ADAMTS2: variants seen among roughly 807,000 people sequenced by gnomAD.
ADAMTS2 encodes ADAM metallopeptidase with thrombospondin type 1 motif 2, also known as A disintegrin and metalloproteinase with thrombospondin motifs 2.
In ADAMTS2, 50 loss-of-function variants were observed where a neutral mutation model predicts 123.0. The ratio of observed to expected loss-of-function variants is 0.41; its 90% CI spans 0.32 to 0.51. The LOEUF is 0.51. Among genes scored for constraint, ADAMTS2 ranks in the 20% least tolerant of loss-of-function variants. ADAMTS2 has a pLI of 0.35. For synonymous variants in ADAMTS2, 678 were observed against 695.4 expected, an observed-to-expected ratio of 0.98 and a Z score of 0.39; for missense variants, 1,494 against 1,705.2, an observed-to-expected ratio of 0.88 and a Z score of 2.18.
At chr5:179,116,257 G>A (rs987381326) in intron 21 of ADAMTS2, among the ~76,000 whole-genome samples, 2 of 111,190 alleles carry the variant, frequency 1.8e-5, no homozygotes, top group Admixed American at 8.3e-5. Flanking sequence ...ATGTGACCAC[G>A]GCACCCCCCC....
intron 2 of ADAMTS2, among the ~76,000 whole-genome samples, chr5:179,320,075 C>G (rs547351275): frequency 7.2e-5 from 11 of 152,368 alleles, no homozygotes; most frequent in Non-Finnish European, 1.5e-4. Flanking sequence ...AGCCAGCCGA[C>G]TCCCAGGAGA....
intron 4 of ADAMTS2, among the ~76,000 whole-genome samples, chr5:179,205,268 G>T (rs1764653270): frequency 6.6e-6 from 1 of 152,188 alleles, no homozygotes; most frequent in Non-Finnish European, 1.5e-5. Flanking sequence ...AGCGCCCTTG[G>T]TGGGCTATCA....
intron 3 of ADAMTS2, among the ~76,000 whole-genome samples, chr5:179,268,837 C>T (rs777270312): frequency 7.2e-5 from 11 of 152,208 alleles, no homozygotes; most frequent in Non-Finnish European, 1.3e-4. Flanking sequence ...GGGCGCCTCC[C>T]GGGTGTGCTG....
chr5:179,254,297 C>G (rs1765994361), intron 3 of ADAMTS2, among the ~76,000 whole-genome samples: 1 of 152,174 alleles, frequency 6.6e-6, no homozygotes, highest in African/African-American at 2.4e-5. Context: ...CCAAAGGCCA[C>G]ATATTATCAA....
At chr5:179,318,305 G>A (rs1312564019) in intron 2 of ADAMTS2, among the ~76,000 whole-genome samples, 2 of 152,372 alleles carry the variant, frequency 1.3e-5, no homozygotes, top group South Asian at 2.1e-4. Context: ...ATGCGCTGCC[G>A]CTGAGCCTCA....
chr5:179,220,406 CCT>C (rs1439986336), intron 3 of ADAMTS2, among the ~76,000 whole-genome samples: 2 of 152,132 alleles, frequency 1.3e-5, no homozygotes, highest in African/African-American at 4.8e-5. Flanking sequence ...CTCCAGAGCC[CCT>C]GATTTGGACA....
At position 179,189,400 on chromosome 5, in the gene ADAMTS2, T is replaced by C. The variant is rs62396157; in HGVS notation, c.892-8245A>G. 5.6e-3 allele frequency among the ~76,000 whole-genome samples: 838 copies of C among 150,120 alleles called. 8 individuals are homozygous for C. The highest frequency in any genetic ancestry group is 8.9e-3 in the Non-Finnish European group (605 of 67,726). ...TCTCTCTCTGTTGCCCAGGTTGGAGTGCAGTGGCATGATCTCAGCTCACTG... is the reference window on the plus strand; with the variant it reads ...TCTCTCTCTGTTGCCCAGGTTGGAGCGCAGTGGCATGATCTCAGCTCACTG... On this transcript the variant is annotated intron_variant, in intron 4 of 21. Transcript: ENST00000251582. This position sits in a 1 kb window ranked among gnomAD's most constrained non-coding sequence, Gnocchi z 4.2.
chr5:179,304,949 G>A (rs2431422), intron 2 of ADAMTS2, among the ~76,000 whole-genome samples: 122,177 of 151,922 alleles, frequency 0.8, 49,306 homozygotes, highest in Middle Eastern at 0.85. Flanking sequence ...AAAGCAGTCA[G>A]AGAAAAACAG....
At chr5:179,184,966 C>T (rs1049518072) in intron 4 of ADAMTS2, among the ~76,000 whole-genome samples, 1 of 152,172 alleles carries the variant, frequency 6.6e-6, no homozygotes, top group Non-Finnish European at 1.5e-5. Context: ...CGTGGCATGT[C>T]ATGAGACCTG....
Position 179,260,029 on chromosome 5 carries a change from C to T in ADAMTS2, c.688+12882G>A, listed in dbSNP as rs944091638. Among the ~76,000 whole-genome samples the T allele has an allele frequency of 2.6e-5, 4 of 152,212 alleles. No individual in the cohort carries two copies. The highest frequency in any genetic ancestry group is 9.7e-5 in the African/African-American group (4 of 41,450). The stretch of plus-strand genomic sequence containing the variant: ...AGGAATGACAGAGTGTTAAAGTGGG[C>T]ATAGGGCCCTGCCGGATGGGTCACA... On this transcript the variant is annotated intron_variant, in intron 3 of 21. Coordinates refer to ENST00000251582, the MANE Select transcript of ADAMTS2 (RefSeq NM_014244.5). This position sits in a 1 kb window ranked among gnomAD's most constrained non-coding sequence, Gnocchi z 4.2.
intron 17 of ADAMTS2, among the ~76,000 whole-genome samples, chr5:179,126,571 C>T (rs570456242): frequency 3.0e-4 from 45 of 152,326 alleles, no homozygotes; most frequent in African/African-American, 5.8e-4. Flanking sequence ...CATTTGGCCA[C>T]GTCTGGGACA....
chr5:179,279,183 C>G (rs1766824640), intron 2 of ADAMTS2, among the ~76,000 whole-genome samples: 1 of 152,090 alleles, frequency 6.6e-6, no homozygotes, highest in Admixed American at 6.5e-5. Flanking sequence ...AGCATAAACA[C>G]TGTCAGGTGT....
chr5:179,196,252 C>CAA (rs112746849), intron 4 of ADAMTS2, among the ~76,000 whole-genome samples: 92 of 151,690 alleles, frequency 6.1e-4, no homozygotes, highest in African/African-American at 2.1e-3. Context: ...ATCATTCATT[C>CAA]AAAAAAAACG....
In ADAMTS2 at chr5:179,207,513, A is replaced by T; in HGVS notation, c.891T>A (p.Ile297=). 7.3e-7 allele frequency: 1 copy of T among 1,374,450 alleles called. No individual in the cohort carries two copies. Among genetic ancestry groups the T allele is most frequent in the South Asian group, 1.1e-5 (1 of 87,210 alleles). The allele number at this position is 1,374,450 out of a possible 1,614,324, so 85.1% of individuals were successfully genotyped here. The change falls in exon 4 of 22, where the codon ATT becomes ATA. Residue 297 remains isoleucine (I), a splice_region_variant and synonymous_variant. Coordinates refer to ENST00000251582, the MANE Select transcript of ADAMTS2 (RefSeq NM_014244.5). ...VQKYLLTLMN[I]VNEIYHDESL... ...CTGCCCCCTCAGCCACCCCACTCAC[A>T]ATGTTCATGAGTGTCAGCAGGTACT...
chr5:179,329,095 A>T (rs749284178), intron 2 of ADAMTS2, among the ~76,000 whole-genome samples: 281 of 152,308 alleles, frequency 1.8e-3, no homozygotes, highest in Middle Eastern at 3.4e-3. Flanking sequence ...TGGGAGGCCA[A>T]GGAGGGCGGA....
intron 3 of ADAMTS2, among the ~76,000 whole-genome samples, chr5:179,231,657 T>C (rs1031890199): frequency 4.6e-5 from 7 of 152,156 alleles, no homozygotes; most frequent in African/African-American, 1.7e-4. Flanking sequence ...AATTGGTGCA[T>C]ATAACAAGTC....
chr5:179,153,984 G>A (rs958386174), intron 8 of ADAMTS2, 65 bp downstream of exon 8: 2 of 1,550,278 alleles, frequency 1.3e-6, no homozygotes, highest in Non-Finnish European at 1.7e-6. Flanking sequence ...ATGGGGACTT[G>A]CACCCTCCCA....
intron 2 of ADAMTS2, among the ~76,000 whole-genome samples, chr5:179,341,787 C>T (rs1432065400): frequency 6.6e-6 from 1 of 152,102 alleles, no homozygotes; most frequent in Non-Finnish European, 1.5e-5. Context: ...TCAGTGACAG[C>T]ATTCAATGCC....
chr5:179,245,869 G>C lies in ADAMTS2; in HGVS notation c.688+27042C>G, dbSNP rs147245681. Among the ~76,000 whole-genome samples, 1,232 of 147,422 alleles carry C rather than the reference G, an allele frequency of 8.4e-3. 7 individuals carry two copies. Among genetic ancestry groups the C allele is most frequent in the Non-Finnish European group, 0.014 (940 of 67,228 alleles). The stretch of plus-strand genomic sequence containing the variant: ...TGTTTCTATAGCTCACAGGAATTAA[G>C]TTAATATAAATCTAAAGATTCTGAT... On this transcript the variant is annotated intron_variant, in intron 3 of 21. Transcript: ENST00000251582.
Sources: gnomAD v4.1 joint callset for allele counts (sites outside exome capture counted in the v4.1 genomes callset) on GRCh38, gnomAD v4.1.1 for gene constraint, Gnocchi (gnomAD v3.1) non-coding constraint, MANE v1.5 for transcripts, NCBI Gene and HGNC (gene_info 2026-07-23, HGNC 2026-07-21) for gene names.